NIM1K: variants seen among roughly 807,000 people sequenced by gnomAD.
NIM1K encodes the protein NIM1 serine/threonine protein kinase, also known as serine/threonine-protein kinase NIM1.
In NIM1K, 35 loss-of-function variants were observed where a neutral mutation model predicts 37.1. The observed-to-expected ratio is 0.94, with a 90% CI of 0.72 to 1.25. The LOEUF (loss-of-function observed/expected upper bound fraction) is 1.25. Ranked by LOEUF, NIM1K falls within the 50% of genes most tolerant of loss-of-function variation. The probability of loss-of-function intolerance (pLI) is 0.00; values close to 1 mark genes in which losing one functional copy is unlikely to be tolerated. For missense variants in NIM1K, 564 were observed against 548.0 expected (o/e 1.03, Z -0.29); for synonymous variants, 234 against 206.6 (o/e 1.13, Z -1.14).
chr5:43,194,386 G>C (rs1326621659), intron 1 of NIM1K, among the ~76,000 whole-genome samples: 1 of 152,154 alleles, frequency 6.6e-6, no homozygotes, highest in Admixed American at 6.5e-5. Context: ...CTGTTAAATG[G>C]TAAGCCTGGA....
chr5:43,251,158 A>G (rs1441260388), intron 2 of NIM1K, among the ~76,000 whole-genome samples: 1 of 152,252 alleles, frequency 6.6e-6, no homozygotes, highest in Non-Finnish European at 1.5e-5. Flanking sequence ...TGTTATTACA[A>G]CAATAAAAAC....
chr5:43,198,611 C>T (rs1345653119), intron 1 of NIM1K, among the ~76,000 whole-genome samples: 3 of 152,102 alleles, frequency 2.0e-5, no homozygotes, highest in Non-Finnish European at 4.4e-5. Flanking sequence ...TTTCAGAACA[C>T]GATCTATTTC....
At chr5:43,271,559 A>T (rs552544730) in intron 2 of NIM1K, among the ~76,000 whole-genome samples, 68 of 152,324 alleles carry the variant, frequency 4.5e-4, no homozygotes, top group Non-Finnish European at 6.8e-4. Context: ...AAGAATATGT[A>T]CAGAGACCAC....
intron 1 of NIM1K, among the ~76,000 whole-genome samples, chr5:43,227,775 C>T (rs1028530215): frequency 3.9e-5 from 6 of 151,992 alleles, no homozygotes; most frequent in South Asian, 2.1e-4. Context: ...CTACAAAGGT[C>T]CAGAAGGGGG....
At chr5:43,225,202 A>T (rs923831684) in intron 1 of NIM1K, among the ~76,000 whole-genome samples, 6 of 146,062 alleles carry the variant, frequency 4.1e-5, no homozygotes, top group African/African-American at 1.0e-4. Context: ...GTGTCAACAG[A>T]TGATTGCATA....
At chr5:43,244,176 C>A (rs1159824930) in intron 1 of NIM1K, among the ~76,000 whole-genome samples, 1 of 152,186 alleles carries the variant, frequency 6.6e-6, no homozygotes, top group African/African-American at 2.4e-5. Flanking sequence ...GTTGGAAATC[C>A]ATACTTCCAA....
intron 1 of NIM1K, among the ~76,000 whole-genome samples, chr5:43,213,194 TTTCTTTCTTTCTTTCTTTCTTTCTTTC>T (rs1561074768): frequency 8.6e-5 from 5 of 57,982 alleles, no homozygotes; most frequent in African/African-American, 1.6e-4. Flanking sequence ...TCTTTCTTTC[TTTCTTTCTTTCTTTCTTTCTTTCTTTC>T]TTTCCTTCTT....
chr5:43,209,856 C>A (rs1752178341), intron 1 of NIM1K, among the ~76,000 whole-genome samples: 1 of 152,182 alleles, frequency 6.6e-6, no homozygotes, highest in South Asian at 2.1e-4. Flanking sequence ...ATCAAGTGAT[C>A]CATCCACCTG....
intron 1 of NIM1K, among the ~76,000 whole-genome samples, chr5:43,229,517 A>T (rs566298015): frequency 7.7e-4 from 117 of 152,082 alleles, no homozygotes; most frequent in Non-Finnish European, 1.0e-3. Flanking sequence ...ATATCTACCT[A>T]TCTAAACCTT....
At chr5:43,277,799 TGTGTGTGTGTGTGTGTGA>T (rs1753370186) in intron 3 of NIM1K, among the ~76,000 whole-genome samples, 1 of 149,042 alleles carries the variant, frequency 6.7e-6, no homozygotes, top group Non-Finnish European at 1.5e-5. Flanking sequence ...TGTGTGTGTG[TGTGTGTGTGTGTGTGTGA>T]GAGAGAGAGA....
At position 43,205,872 on chromosome 5, in the gene NIM1K, A is replaced by G. The variant is rs545803106; in HGVS notation, c.-695+13461A>G. Reference sequence around the variant, plus strand: ...GGACTACAGGTGCCAGCCACCACGCATGGCTGATTTTTTGTATTTTTAGTA... The same window carrying G: ...GGACTACAGGTGCCAGCCACCACGCGTGGCTGATTTTTTGTATTTTTAGTA... On this transcript the variant is annotated intron_variant, in intron 1 of 3. Transcript: ENST00000326035. 3.9e-5 allele frequency among the ~76,000 whole-genome samples: 6 copies of G among 151,970 alleles called. No homozygotes were observed. In the East Asian group the frequency reaches 1.2e-3, roughly 29 times the overall value.
intron 1 of NIM1K, among the ~76,000 whole-genome samples, chr5:43,217,874 G>T (rs945186750): frequency 3.2e-4 from 49 of 151,906 alleles, no homozygotes; most frequent in Non-Finnish European, 1.6e-4. Flanking sequence ...ACCATGACTG[G>T]CTAATTTTTG....
chr5:43,259,542 GTGTTTTTCCATA>G (rs1752997287), intron 2 of NIM1K, among the ~76,000 whole-genome samples: 1 of 152,146 alleles, frequency 6.6e-6, no homozygotes, highest in African/African-American at 2.4e-5. Flanking sequence ...GTGATGTAGA[GTGTTTTTCCATA>G]TGTTTGTTGG....
chr5:43,248,138 T>A (rs972829934), intron 2 of NIM1K, among the ~76,000 whole-genome samples: 2 of 152,108 alleles, frequency 1.3e-5, no homozygotes, highest in African/African-American at 4.8e-5. Context: ...AGGATAAGAT[T>A]TTGGATAGGC....
At chr5:43,196,144 G>T (rs763152848) in intron 1 of NIM1K, among the ~76,000 whole-genome samples, 1 of 152,078 alleles carries the variant, frequency 6.6e-6, no homozygotes, top group Non-Finnish European at 1.5e-5. Flanking sequence ...CTGCTCATTA[G>T]ATCTTTTCTC....
Position 43,245,215 on chromosome 5 carries a change from G to A in NIM1K, c.-561G>A, listed in dbSNP as rs1044887407. Reference sequence around the variant, plus strand: ...GTGTGACCAGAAGGCTTATTTGCAAGTTTCTTCTTTCCTGGGGTCCAGATT... The same window carrying A: ...GTGTGACCAGAAGGCTTATTTGCAAATTTCTTCTTTCCTGGGGTCCAGATT... On this transcript the variant is annotated 5_prime_UTR_variant, in exon 2 of 4. Coordinates refer to ENST00000326035, the MANE Select transcript of NIM1K (RefSeq NM_153361.4). 1 of 152,246 alleles carries A rather than the reference G, an allele frequency of 6.6e-6. No homozygotes were observed. Among genetic ancestry groups the A allele is most frequent in the African/African-American group, 2.4e-5 (1 of 41,454 alleles). 9.4% of individuals were successfully genotyped at this position (152,246 alleles called of 1,614,324 possible).
rs1316845917 is a variant in NIM1K at position 43,229,638 on chromosome 5, GC to G, written c.-694-15442del. 1.4e-4 allele frequency among the ~76,000 whole-genome samples: 12 copies of G among 86,794 alleles called. No homozygotes were observed. In the Admixed American group the frequency reaches 2.5e-3, roughly 18 times the overall value. The allele number at this position is 86,794 out of a possible 152,430, so 56.9% of individuals were successfully genotyped here. A position where few individuals can be genotyped will look rare whatever the true frequency, so the allele number is the denominator to read the frequency against. On this transcript the variant is annotated intron_variant, in intron 1 of 3. Transcript: ENST00000326035. ...TCTTTTTTTTCTTTTTTAAATTTTA[GC>G]CTTTTTTTTTTTTTTGAGATGGAGT...
In NIM1K at chr5:43,220,318, G is replaced by C. The variant is rs535986711; in HGVS notation, c.-694-24764G>C. On this transcript the variant is annotated intron_variant, in intron 1 of 3. Coordinates refer to ENST00000326035, the MANE Select transcript of NIM1K (RefSeq NM_153361.4). ...CTTTTTTTTTTTTTTTTTGGAGATG[G>C]AGTCTCACCCAGGCTATAGTGCGGT... is the stretch of plus-strand genomic sequence containing the variant. 1.2e-3 allele frequency among the ~76,000 whole-genome samples: 181 copies of C among 145,424 alleles called. 1 individual carries two copies. Among genetic ancestry groups the C allele is most frequent in the Admixed American group, 3.3e-3 (48 of 14,618 alleles).
chr5:43,273,383 A>G (rs370873291), intron 2 of NIM1K, among the ~76,000 whole-genome samples: 16 of 151,480 alleles, frequency 1.1e-4, no homozygotes, highest in African/African-American at 3.4e-4. Flanking sequence ...TTTTGTATTT[A>G]TAGTAGAGAC....
Sources: allele counts gnomAD v4.1 joint callset (sites outside exome capture counted in the v4.1 genomes callset), GRCh38; gene constraint gnomAD v4.1.1; transcripts MANE v1.5; gene names NCBI Gene and HGNC (gene_info 2026-07-23, HGNC 2026-07-21).